PDGFC: variants seen among roughly 807,000 people sequenced by gnomAD.
PDGFC encodes platelet derived growth factor C.
Under a neutral mutation model 35.5 loss-of-function variants are expected in PDGFC, and 12 were observed. That is an observed-to-expected ratio of 0.34 (90% CI 0.22 to 0.55). The LOEUF is 0.55. Among genes scored for constraint, PDGFC ranks in the 20% least tolerant of loss-of-function variants. The pLI is 0.91. For missense variants in PDGFC, 322 were observed against 412.4 expected (o/e 0.78, Z 1.90); for synonymous variants, 159 against 148.8 (o/e 1.07, Z -0.50).
At chr4:156,819,805 T>C (rs982564583) in intron 2 of PDGFC, among the ~76,000 whole-genome samples, 1 of 152,214 alleles carries the variant, frequency 6.6e-6, no homozygotes, top group African/African-American at 2.4e-5. Flanking sequence ...GGATAGTAAT[T>C]CCTCTGGTGA....
chr4:156,968,331 C>T (rs990797651), intron 1 of PDGFC, among the ~76,000 whole-genome samples: 3 of 152,224 alleles, frequency 2.0e-5, no homozygotes, highest in African/African-American at 7.2e-5. Flanking sequence ...TGTCACAAAA[C>T]GATGCAATGC....
chr4:156,790,946 A>G (rs149242990), intron 3 of PDGFC, among the ~76,000 whole-genome samples: 6 of 152,162 alleles, frequency 3.9e-5, no homozygotes. Flanking sequence ...TACATCCTAC[A>G]TTGGCATCAA....
intron 3 of PDGFC, chr4:156,778,266 C>A: frequency 8.7e-6 from 3 of 345,736 alleles, no homozygotes; most frequent in South Asian, 2.2e-5. Flanking sequence ...CGAGAATCTG[C>A]TATTATGAAT....
intron 2 of PDGFC, among the ~76,000 whole-genome samples, chr4:156,832,460 T>C (rs1267889445): frequency 6.6e-6 from 1 of 152,080 alleles, no homozygotes; most frequent in African/African-American, 2.4e-5. Flanking sequence ...TTTCGCCATG[T>C]TGGCCAGGCT....
chr4:156,799,166 T>C (rs192807883), intron 3 of PDGFC, among the ~76,000 whole-genome samples: 7 of 152,340 alleles, frequency 4.6e-5, no homozygotes. Flanking sequence ...AGCCTTGATC[T>C]CTTGCCTGAA....
chr4:156,963,444 C>A (rs1246553119), intron 1 of PDGFC, among the ~76,000 whole-genome samples: 8 of 151,960 alleles, frequency 5.3e-5, no homozygotes, highest in Non-Finnish European at 1.2e-4. Context: ...GCACTCCAGC[C>A]TGGGTGACAG....
At chr4:156,856,600 TC>T (rs1399871643) in intron 1 of PDGFC, among the ~76,000 whole-genome samples, 2 of 152,116 alleles carry the variant, frequency 1.3e-5, no homozygotes, top group East Asian at 3.9e-4. Context: ...TCCTAGAAGG[TC>T]AGCTGTATTT....
intron 3 of PDGFC, among the ~76,000 whole-genome samples, chr4:156,808,419 C>A (rs1050374802): frequency 6.6e-6 from 1 of 151,940 alleles, no homozygotes; most frequent in Non-Finnish European, 1.5e-5. Context: ...TCAATGAGAC[C>A]GTTGCCTCTG....
intron 1 of PDGFC, among the ~76,000 whole-genome samples, chr4:156,949,361 T>A (rs1201367215): frequency 6.6e-6 from 1 of 150,448 alleles, no homozygotes. Flanking sequence ...AATGTGTACT[T>A]TTTTTTTTAT....
chr4:156,791,455 T>C (rs2110882421), intron 3 of PDGFC, among the ~76,000 whole-genome samples: 1 of 151,580 alleles, frequency 6.6e-6, no homozygotes, highest in Admixed American at 6.6e-5. Flanking sequence ...ACCTCAAAAA[T>C]AAATTTTCTT....
At chr4:156,944,655 C>T (rs902010720) in intron 1 of PDGFC, among the ~76,000 whole-genome samples, 1 of 152,088 alleles carries the variant, frequency 6.6e-6, no homozygotes, top group Admixed American at 6.6e-5. Flanking sequence ...TTCAGGCTGG[C>T]GCCTGACAAT....
chr4:156,964,739 G>C (rs962005093), intron 1 of PDGFC, among the ~76,000 whole-genome samples: 3 of 152,106 alleles, frequency 2.0e-5, no homozygotes, highest in African/African-American at 7.2e-5. Flanking sequence ...TGGCTGTCTA[G>C]TGGCCTTGAC....
chr4:156,902,318 T>C lies in PDGFC; in HGVS notation c.119-51902A>G, dbSNP rs144118394. On this transcript the variant is annotated intron_variant, in intron 1 of 5. Transcript: ENST00000502773. ...TACCCAGATTTAATGAGTCTTAATATTCTGTCAAATTTGCTTCAGAATTTT... is the reference window on the plus strand; with the variant it reads ...TACCCAGATTTAATGAGTCTTAATACTCTGTCAAATTTGCTTCAGAATTTT... Among the ~76,000 whole-genome samples the C allele has an allele frequency of 8.5e-5, 13 of 152,326 alleles. No individual in the cohort carries two copies. In the East Asian group the frequency reaches 2.3e-3, roughly 27 times the overall value.
intron 3 of PDGFC, among the ~76,000 whole-genome samples, chr4:156,776,019 T>TC (rs1323428021): frequency 2.6e-5 from 4 of 152,020 alleles, no homozygotes; most frequent in Non-Finnish European, 5.9e-5. Context: ...CTCCACCCAC[T>TC]GGTTCAAGAA....
intron 2 of PDGFC, chr4:156,841,510 T>G (rs963218723): frequency 6.6e-6 from 1 of 152,092 alleles, no homozygotes; most frequent in Non-Finnish European, 1.5e-5. Context: ...CAGTTTTTTT[T>G]TTTTTTTTTA....
At chr4:156,785,753 AT>A (rs1041112489) in intron 3 of PDGFC, among the ~76,000 whole-genome samples, 2 of 152,042 alleles carry the variant, frequency 1.3e-5, no homozygotes, top group African/African-American at 4.8e-5. Context: ...AATAATGCAC[AT>A]TTTTTTCCAT....
intron 2 of PDGFC, among the ~76,000 whole-genome samples, chr4:156,836,427 A>T (rs1485210809): frequency 6.6e-6 from 1 of 152,176 alleles, no homozygotes; most frequent in African/African-American, 2.4e-5. Flanking sequence ...ACATATTTTA[A>T]TCTAATAACT....
In PDGFC at chr4:156,897,760, G is replaced by A. The variant is rs1366124866; in HGVS notation, c.119-47344C>T. Among the ~76,000 whole-genome samples the A allele has an allele frequency of 2.6e-5, 4 of 152,012 alleles. No individual in the cohort carries two copies. In the South Asian group the frequency reaches 8.3e-4, roughly 32 times the overall value. On this transcript the variant is annotated intron_variant, in intron 1 of 5. Transcript: ENST00000502773. Reference sequence around the variant, plus strand: ...CCTATGAGCAACTCAATCGACAAACGGAAGATACTCGCTAATGAATAAAAC... The same window carrying A: ...CCTATGAGCAACTCAATCGACAAACAGAAGATACTCGCTAATGAATAAAAC...
intron 1 of PDGFC, among the ~76,000 whole-genome samples, chr4:156,951,684 T>C (rs1422429953): frequency 1.3e-5 from 2 of 151,086 alleles, no homozygotes; most frequent in Admixed American, 6.6e-5. Context: ...GAAAGGTCCT[T>C]CTTAATTTAG....
Sources: allele counts gnomAD v4.1 joint callset (sites outside exome capture counted in the v4.1 genomes callset), GRCh38; gene constraint gnomAD v4.1.1; transcripts MANE v1.5; gene names NCBI Gene and HGNC (gene_info 2026-07-23, HGNC 2026-07-21).